Variants in ZBBX observed in about 807,000 individuals in gnomAD.
ZBBX encodes the protein zinc finger B-box domain-containing protein 1.
A neutral mutation model predicts 108.5 loss-of-function variants in ZBBX; 101 were observed. The ratio of observed to expected loss-of-function variants is 0.93; its 90% CI spans 0.79 to 1.10. The LOEUF is 1.10. Among genes scored for constraint, ZBBX ranks in the 50% least tolerant of loss-of-function variants. The pLI, the probability that ZBBX is intolerant of heterozygous loss-of-function variation, is 0.00. For missense variants in ZBBX, 1,009 were observed against 941.4 expected, an observed-to-expected ratio of 1.07 and a Z score of -0.94; for synonymous variants, 356 against 323.4, an observed-to-expected ratio of 1.10 and a Z score of -1.08.
chr3:167,291,873 A>T (rs944919748), intron 18 of ZBBX, among the ~76,000 whole-genome samples: 3 of 152,174 alleles, frequency 2.0e-5, no homozygotes, highest in Non-Finnish European at 4.4e-5. Context: ...TTACCAACCA[A>T]ATGGAAAGCA....
At chr3:167,354,511 C>T (rs1049300750) in intron 8 of ZBBX, among the ~76,000 whole-genome samples, 5 of 151,736 alleles carry the variant, frequency 3.3e-5, no homozygotes, top group Non-Finnish European at 7.4e-5. Context: ...AAACACTATC[C>T]CTAGCATAGA....
the ZBBX span, among the ~76,000 whole-genome samples, chr3:167,189,418 T>A: frequency 2.0e-5 from 3 of 152,122 alleles, no homozygotes; most frequent in African/African-American, 7.2e-5. Context: ...AAGTGTGTGG[T>A]GCTTCTCAGA....
the ZBBX span, among the ~76,000 whole-genome samples, chr3:167,198,785 A>C: frequency 1.3e-5 from 2 of 152,206 alleles, no homozygotes. Context: ...ACGCACCTTC[A>C]AAAGTGCTTT....
intron 16 of ZBBX, among the ~76,000 whole-genome samples, chr3:167,311,603 C>A (rs1734593038): frequency 6.6e-6 from 1 of 151,926 alleles, no homozygotes; most frequent in South Asian, 2.1e-4. Flanking sequence ...AAATAAACAA[C>A]CCAATCAAAA....
At position 167,372,944 on chromosome 3, in the gene ZBBX, A is replaced by C; in HGVS notation, c.-43T>G. ...TGTCTAAAAGTTATTCTGATTTGTAAACACTTCTGTAAAAGTAACAAAGAC... is the reference window on the plus strand; with the variant it reads ...TGTCTAAAAGTTATTCTGATTTGTACACACTTCTGTAAAAGTAACAAAGAC... On this transcript the variant is annotated 5_prime_UTR_variant, in exon 4 of 22. Transcript: ENST00000675490. 1.4e-6 allele frequency: 2 copies of C among 1,468,888 alleles called. No individual in the cohort carries two copies. Among genetic ancestry groups the C allele is most frequent in the East Asian group, 4.6e-5 (2 of 43,360 alleles). The allele number at this position is 1,468,888 out of a possible 1,614,324, so 91.0% of individuals were successfully genotyped here.
chr3:167,240,857 T>C lies in ZBBX; in HGVS notation c.2456A>G (p.Glu819Gly). 6.2e-7 allele frequency: 1 copy of C among 1,613,678 alleles called. No homozygotes were observed. The highest frequency in any genetic ancestry group is 8.5e-7 in the Non-Finnish European group (1 of 1,179,648). The change falls in exon 22 of 22, where the codon GAG becomes GGG. Residue 819 changes from glutamate to glycine, a missense_variant. Glu to Gly is a moderately conservative substitution (Grantham distance 98). Transcript: ENST00000675490. ...LLSLSESSTD[E>G]EEEDFLNKQH... Reference sequence around the variant, plus strand: ...CTTGTTGAGAAAATCTTCCTCCTCCTCATCTGTACTGCTCTCAGAAAGTGA... The same window carrying C: ...CTTGTTGAGAAAATCTTCCTCCTCCCCATCTGTACTGCTCTCAGAAAGTGA...
chr3:167,397,125 G>A (rs1038913092), intron 1 of ZBBX, among the ~76,000 whole-genome samples: 1 of 88,050 alleles, frequency 1.1e-5, no homozygotes, highest in Non-Finnish European at 2.2e-5. Flanking sequence ...TAGTCGTGAA[G>A]AAGAGGTTCT....
At chr3:167,281,367 A>G (rs1009481199) in intron 20 of ZBBX, among the ~76,000 whole-genome samples, 1 of 152,128 alleles carries the variant, frequency 6.6e-6, no homozygotes, top group Non-Finnish European at 1.5e-5. Context: ...GTAATTTTGT[A>G]TTGCTTTAAT....
chr3:167,204,262 C>G, the ZBBX span, among the ~76,000 whole-genome samples: 40,208 of 111,922 alleles, frequency 0.36, 6,400 homozygotes, highest in East Asian at 0.66. Context: ...TTATTATACT[C>G]TAAGTTTTAG....
intron 20 of ZBBX, among the ~76,000 whole-genome samples, chr3:167,261,597 G>T (rs1724538930): frequency 6.6e-6 from 1 of 151,814 alleles, no homozygotes; most frequent in Non-Finnish European, 1.5e-5. Flanking sequence ...CATGCAGGTT[G>T]TCAGGGAAGT....
intron 1 of ZBBX, among the ~76,000 whole-genome samples, chr3:167,397,619 T>C (rs1748290570): frequency 6.6e-6 from 1 of 151,858 alleles, no homozygotes; most frequent in African/African-American, 2.4e-5. Flanking sequence ...AAAACTATTG[T>C]TAGCACAGTA....
At chr3:167,269,753 A>C (rs1259840784) in intron 20 of ZBBX, among the ~76,000 whole-genome samples, 1 of 152,194 alleles carries the variant, frequency 6.6e-6, no homozygotes, top group African/African-American at 2.4e-5. Context: ...AAAATCTTAG[A>C]GCTATCAACC....
intron 18 of ZBBX, among the ~76,000 whole-genome samples, chr3:167,295,710 AATATATATATATATAT>A (rs1181996279): frequency 1.3e-5 from 1 of 78,952 alleles, no homozygotes; most frequent in African/African-American, 4.7e-5. Flanking sequence ...AAAAAATTGG[AATATATATATATATAT>A]ATATATATAT....
intron 3 of ZBBX, among the ~76,000 whole-genome samples, chr3:167,373,155 A>C (rs1337432618): frequency 6.6e-6 from 1 of 152,204 alleles, no homozygotes. Flanking sequence ...ATATTAGAAT[A>C]AAAAATACAA....
At chr3:167,328,913 C>T (rs1737890234) in intron 10 of ZBBX, among the ~76,000 whole-genome samples, 1 of 152,154 alleles carries the variant, frequency 6.6e-6, no homozygotes, top group African/African-American at 2.4e-5. Context: ...CCATTACTTA[C>T]TCCCATGTGA....
chr3:167,211,326 G>A, the ZBBX span, among the ~76,000 whole-genome samples: 1 of 152,164 alleles, frequency 6.6e-6, no homozygotes. Context: ...GTGGAGTTTC[G>A]CAGAGCAGCC....
chr3:167,242,586 T>C lies in ZBBX; in HGVS notation c.2312A>G (p.Gln771Arg), dbSNP rs1720873867. The change falls in exon 21 of 22, where the codon CAA becomes CGA. Residue 771 changes from glutamine to arginine, a missense_variant. Coordinates refer to ENST00000675490, the MANE Select transcript of ZBBX (RefSeq NM_001199201.2). ...TSEEFPDFSS[Q>R]SLNISQISTD... ...GGAAATCTGACTTATATTCAGTGATTGGCTGCTGAAATCTGGGAACTCTTC... is the reference window on the plus strand; with the variant it reads ...GGAAATCTGACTTATATTCAGTGATCGGCTGCTGAAATCTGGGAACTCTTC... The C allele has an allele frequency of 9.3e-6, 15 of 1,613,660 alleles. No individual in the cohort carries two copies. The highest frequency in any genetic ancestry group is 1.2e-5 in the Non-Finnish European group (14 of 1,179,854).
chr3:167,346,608 C>T lies in ZBBX; in HGVS notation c.528+3812G>A, dbSNP rs572936044. On this transcript the variant is annotated intron_variant, in intron 9 of 21. Transcript: ENST00000675490. Reference sequence around the variant, plus strand: ...AATACTTGCTTTTTATATAGCAATGCTTAATATTCATCTGTCGGATGTCTT... The same window carrying T: ...AATACTTGCTTTTTATATAGCAATGTTTAATATTCATCTGTCGGATGTCTT... Among the ~76,000 whole-genome samples the T allele has an allele frequency of 7.9e-5, 12 of 151,916 alleles. No homozygotes were observed. In the South Asian group the frequency reaches 2.5e-3, roughly 32 times the overall value.
At chr3:167,315,080 G>A (rs1410917475) in intron 15 of ZBBX, among the ~76,000 whole-genome samples, 2 of 152,000 alleles carry the variant, frequency 1.3e-5, no homozygotes, top group Non-Finnish European at 2.9e-5. Flanking sequence ...TGTGGACGGG[G>A]GCCTAAACTG....
Sources: allele counts gnomAD v4.1 joint callset (sites outside exome capture counted in the v4.1 genomes callset), GRCh38; gene constraint gnomAD v4.1.1; transcripts MANE v1.5; gene names NCBI Gene and HGNC (gene_info 2026-07-23, HGNC 2026-07-21).